IQCE: variants seen among roughly 807,000 people sequenced by gnomAD.
IQCE encodes the protein IQ motif containing E.
In IQCE, 115 loss-of-function variants were observed where a neutral mutation model predicts 96.0. That is an observed-to-expected ratio of 1.20 (90% CI 1.03 to 1.40). The LOEUF is 1.40. IQCE is among the 40% of genes most tolerant of loss of function. The pLI is 0.00. For missense variants in IQCE, 1,041 were observed against 909.1 expected (o/e 1.15, Z -1.87); for synonymous variants, 412 against 371.2 (o/e 1.11, Z -1.26).
chr7:2,565,093 T>TGC (rs1781262404), intron 1 of IQCE, among the ~76,000 whole-genome samples: 1 of 150,870 alleles, frequency 6.6e-6, no homozygotes, highest in Non-Finnish European at 1.5e-5. Context: ...TGTGCGTGTG[T>TGC]GTGCGTGTGT....
chr7:2,582,121 G>A (rs1297362339), intron 8 of IQCE: 2 of 464,308 alleles, frequency 4.3e-6, no homozygotes, highest in Admixed American at 2.5e-5. Context: ...CAAATAGAGG[G>A]GAGTGGCTCC....
At chr7:2,596,933 T>C (rs1233349584) in intron 16 of IQCE, 1 of 467,514 alleles carries the variant, frequency 2.1e-6, no homozygotes, top group Non-Finnish European at 4.5e-6. Flanking sequence ...GCTGTGTGGA[T>C]GTACCCAGGG....
At chr7:2,582,174 C>T in intron 8 of IQCE, 1 of 419,928 alleles carries the variant, frequency 2.4e-6, no homozygotes, top group Non-Finnish European at 4.8e-6. Flanking sequence ...TCACTCACTG[C>T]CCCATGGAGA....
chr7:2,584,560 C>A, intron 11 of IQCE: 1 of 429,332 alleles, frequency 2.3e-6, no homozygotes, highest in East Asian at 3.9e-5. Flanking sequence ...CAGCTTAGAG[C>A]TAGAAAGTGC....
chr7:2,570,867 A>ATT (rs1562625724), intron 3 of IQCE, among the ~76,000 whole-genome samples: 1 of 152,218 alleles, frequency 6.6e-6, no homozygotes, highest in Non-Finnish European at 1.5e-5. Flanking sequence ...ATGTAGTGAC[A>ATT]TTAAAAATGT....
rs565486441 is a variant in IQCE, at chr7:2,571,988, C to T, written c.260-204C>T. Among the ~76,000 whole-genome samples, 21 of 152,100 alleles carry T rather than the reference C, an allele frequency of 1.4e-4. No homozygotes were observed. The South Asian group carries it at 3.9e-3, about 29-fold the overall frequency. On this transcript the variant is annotated intron_variant, in intron 4 of 21. Transcript: ENST00000402050. ...TTAGACATGGTAGAAATATGTATAC[C>T]GTGGAAATAGGCAAACATTGTAATC... is the stretch of plus-strand genomic sequence containing the variant.
At chr7:2,566,093 G>T (rs1399480072) in intron 1 of IQCE, among the ~76,000 whole-genome samples, 1 of 152,176 alleles carries the variant, frequency 6.6e-6, no homozygotes, top group Admixed American at 6.5e-5. Context: ...GGGACAGGTA[G>T]CACAAATGTC....
At position 2,593,002 on chromosome 7, in the gene IQCE, T is replaced by A. The variant is rs771524693; in HGVS notation, c.1245-20T>A. ...TACAGTTTTTGTGAACGCTGACGAG[T>A]CTCCTATTCTTGTGTGCAGTTTGGA... On this transcript the variant is annotated intron_variant, in intron 14 of 21. Transcript: ENST00000402050. The A allele has an allele frequency of 4.4e-6, 7 of 1,573,086 alleles. No individual in the cohort carries two copies. In the South Asian group the frequency reaches 8.0e-5, roughly 18 times the overall value.
intron 6 of IQCE, among the ~76,000 whole-genome samples, chr7:2,577,031 C>A (rs535734217): frequency 6.6e-6 from 1 of 152,160 alleles, no homozygotes; most frequent in African/African-American, 2.4e-5. Context: ...GGGGGACTTC[C>A]TGTCTATCCA....
At chr7:2,576,282 C>T (rs1323920940) in intron 6 of IQCE, among the ~76,000 whole-genome samples, 1 of 152,222 alleles carries the variant, frequency 6.6e-6, no homozygotes, top group African/African-American at 2.4e-5. Flanking sequence ...AGCTGCGGCA[C>T]AGCCCAGCCT....
rs968318368 is a variant in IQCE at position 2,613,251 on chromosome 7, T to C, written c.*3089T>C. ...GAGGCTGAAGCTGGCCCCGTGCAGGTGGCTGGTGAGCCACAGGTGCAGTAC... is the reference window on the plus strand; with the variant it reads ...GAGGCTGAAGCTGGCCCCGTGCAGGCGGCTGGTGAGCCACAGGTGCAGTAC... On this transcript the variant is annotated 3_prime_UTR_variant, in exon 22 of 22. Coordinates refer to ENST00000402050, the MANE Select transcript of IQCE (RefSeq NM_152558.5). The C allele has an allele frequency of 1.3e-5, 2 of 152,212 alleles. No individual in the cohort carries two copies. The highest frequency in any genetic ancestry group is 4.8e-5 in the African/African-American group (2 of 41,374). 9.4% of individuals were successfully genotyped at this position (152,212 alleles called of 1,614,324 possible). A position where few individuals can be genotyped will look rare whatever the true frequency, so the allele number is the denominator to read the frequency against.
chr7:2,577,926 G>A (rs62636113), intron 6 of IQCE, among the ~76,000 whole-genome samples: 3,923 of 105,784 alleles, frequency 0.037, 475 homozygotes, highest in Non-Finnish European at 0.059. Flanking sequence ...GCGCGGGGAC[G>A]TGTGTGCGGC....
intron 8 of IQCE, among the ~76,000 whole-genome samples, chr7:2,579,805 A>G (rs1372524353): frequency 6.6e-6 from 1 of 151,362 alleles, no homozygotes; most frequent in Non-Finnish European, 1.5e-5. Context: ...GTGCAGTGGC[A>G]GGATCATGGC....
intron 14 of IQCE, 48 bp downstream of exon 14, chr7:2,590,154 G>A (rs1388732776): frequency 2.0e-6 from 3 of 1,534,728 alleles, no homozygotes; most frequent in African/African-American, 2.7e-5. Context: ...CACAGGTGCT[G>A]CAGAGAGAGT....
chr7:2,593,049 G>A lies in IQCE; in HGVS notation c.1272G>A (p.Ala424=), dbSNP rs749554460. ...TGGAGGTGAAGCAGCTCCTGCAGGC[G>A]AAGGCCGACCTGGAGAAGGAGCTGG... The part of the protein sequence containing the change: ...RDLEVKQLLQ[A]KADLEKELEC... Residue 424 remains alanine, a synonymous_variant, in exon 15 of 22, where the codon GCG becomes GCA. Coordinates refer to ENST00000402050, the MANE Select transcript of IQCE (RefSeq NM_152558.5). 9 of 1,610,298 alleles carry A rather than the reference G, an allele frequency of 5.6e-6. No homozygotes were observed. The highest frequency in any genetic ancestry group is 2.2e-5 in the East Asian group (1 of 44,798).
intron 15 of IQCE, among the ~76,000 whole-genome samples, chr7:2,593,494 C>T (rs1297274503): frequency 2.0e-5 from 3 of 152,292 alleles, no homozygotes; most frequent in Non-Finnish European, 2.9e-5. Context: ...CAGGAAGCAG[C>T]GCCCACCCCA....
rs1415736009 is a variant in IQCE, at chr7:2,559,051, C to T, written c.-131C>T. Reference sequence around the variant, plus strand: ...CTGGGTAGGTCGGCGGCCTGGTTGCCATGGCAGCGGGGTCGCGGGCCGGCG... The same window carrying T: ...CTGGGTAGGTCGGCGGCCTGGTTGCTATGGCAGCGGGGTCGCGGGCCGGCG... On this transcript the variant is annotated 5_prime_UTR_variant, in exon 1 of 22. Coordinates refer to ENST00000402050, the MANE Select transcript of IQCE (RefSeq NM_152558.5). The T allele has an allele frequency of 4.4e-6, 2 of 450,714 alleles. No individual in the cohort carries two copies. Among genetic ancestry groups the T allele is most frequent in the Non-Finnish European group, 6.9e-6 (2 of 287,864 alleles). 27.9% of individuals were successfully genotyped at this position (450,714 alleles called of 1,614,324 possible). A position where few individuals can be genotyped will look rare whatever the true frequency, so the allele number is the denominator to read the frequency against.
intron 12 of IQCE, 60 bp from the exon 13 acceptor site, chr7:2,587,762 G>A: frequency 6.6e-7 from 1 of 1,519,460 alleles, no homozygotes; most frequent in Non-Finnish European, 9.1e-7. Context: ...ACCTGAGAAG[G>A]GTGGCCCTGC....
intron 18 of IQCE, chr7:2,601,964 C>G (rs1288179071): frequency 1.2e-5 from 2 of 163,062 alleles, no homozygotes; most frequent in Admixed American, 6.4e-5. Context: ...TCTCTTCATT[C>G]ATTCCTTCCT....
Sources: allele counts gnomAD v4.1 joint callset (sites outside exome capture counted in the v4.1 genomes callset), GRCh38; gene constraint gnomAD v4.1.1; transcripts MANE v1.5; gene names NCBI Gene and HGNC (gene_info 2026-07-23, HGNC 2026-07-21).